KIAA1549: variants seen among roughly 807,000 people sequenced by gnomAD.
KIAA1549 encodes KIAA1549.
A neutral mutation model predicts 156.4 loss-of-function variants in KIAA1549; 70 were observed. The observed-to-expected ratio is 0.45, with a 90% confidence interval of 0.37 to 0.55. The LOEUF (loss-of-function observed/expected upper bound fraction) is 0.55, where lower values mean the gene tolerates loss of function less well. Among genes scored for constraint, KIAA1549 ranks in the 20% least tolerant of loss-of-function variants. KIAA1549 has a pLI of 0.00. For synonymous variants in KIAA1549, 1,103 were observed against 1,066.4 expected, an observed-to-expected ratio of 1.03 and a Z score of -0.67; for missense variants, 2,428 against 2,540.9, an observed-to-expected ratio of 0.96 and a Z score of 0.96.
chr7:138,925,662 C>T (rs1812692338), intron 1 of KIAA1549, among the ~76,000 whole-genome samples: 1 of 151,688 alleles, frequency 6.6e-6, no homozygotes, highest in Admixed American at 6.6e-5. Context: ...GAAACCCCGT[C>T]TCTACAAAAT....
chr7:138,931,923 T>C (rs1812884597), intron 1 of KIAA1549, among the ~76,000 whole-genome samples: 1 of 152,142 alleles, frequency 6.6e-6, no homozygotes, highest in Non-Finnish European at 1.5e-5. Flanking sequence ...TCTAATAGTT[T>C]TAAGGTTTTG....
Position 138,834,108 on chromosome 7 carries a change from A to G in KIAA1549, c.*3798T>C, listed in dbSNP as rs550314728. 9.1e-6 allele frequency: 2 copies of G among 220,686 alleles called. No individual in the cohort carries two copies. The highest frequency in any genetic ancestry group is 3.7e-4 in the South Asian group (2 of 5,414). 13.7% of individuals were successfully genotyped at this position (220,686 alleles called of 1,614,324 possible). A position where few individuals can be genotyped will look rare whatever the true frequency, so the allele number is the denominator to read the frequency against. ...AGTTGACGTCTCCCCAAGATATTGC[A>G]TTTCCAAACATGCAACTTCTTCTGG... On this transcript the variant is annotated 3_prime_UTR_variant, in exon 20 of 20. Coordinates refer to ENST00000422774, the MANE Select transcript of KIAA1549 (RefSeq NM_001164665.2).
chr7:138,958,498 C>T (rs1041164168), intron 1 of KIAA1549, among the ~76,000 whole-genome samples: 23 of 152,340 alleles, frequency 1.5e-4, no homozygotes, highest in African/African-American at 5.5e-4. Flanking sequence ...GTCAGGGCCA[C>T]AGAAGTGGAA....
chr7:138,924,416 A>C (rs1812654592), intron 1 of KIAA1549, among the ~76,000 whole-genome samples: 1 of 152,262 alleles, frequency 6.6e-6, no homozygotes, highest in South Asian at 2.1e-4. Context: ...AAAAATCACA[A>C]CTATATTTGG....
chr7:138,851,891 C>G (rs988641205), intron 17 of KIAA1549, among the ~76,000 whole-genome samples: 4 of 152,204 alleles, frequency 2.6e-5, no homozygotes, highest in African/African-American at 9.7e-5. Flanking sequence ...AAAAGTGGCC[C>G]AAGAAGCAGG....
At chr7:138,944,962 C>T (rs1174758613) in intron 1 of KIAA1549, among the ~76,000 whole-genome samples, 1 of 152,240 alleles carries the variant, frequency 6.6e-6, no homozygotes, top group Non-Finnish European at 1.5e-5. Context: ...GATGTACTTA[C>T]TGTCACTGAA....
intron 1 of KIAA1549, among the ~76,000 whole-genome samples, chr7:138,974,693 G>A (rs965940328): frequency 1.3e-4 from 19 of 151,710 alleles, no homozygotes; most frequent in African/African-American, 4.4e-4. Flanking sequence ...AAAGTGCTGG[G>A]ATTATAAGCG....
Position 138,958,332 on chromosome 7 carries a change from C to T in KIAA1549, c.187+22751G>A, listed in dbSNP as rs116703139. Among the ~76,000 whole-genome samples the T allele has an allele frequency of 3.6e-3, 552 of 152,292 alleles. 4 individuals carry two copies. Among genetic ancestry groups the T allele is most frequent in the African/African-American group, 0.012 (507 of 41,554 alleles). ...TGCTCATTCTCTCCTGACCAAGGGA[C>T]GGGCAACTATCCCAAGCCCCAGGCT... On this transcript the variant is annotated intron_variant, in intron 1 of 19. Coordinates refer to ENST00000422774, the MANE Select transcript of KIAA1549 (RefSeq NM_001164665.2).
At chr7:138,926,449 C>A (rs1480522585) in intron 1 of KIAA1549, among the ~76,000 whole-genome samples, 1 of 151,992 alleles carries the variant, frequency 6.6e-6, no homozygotes, top group Non-Finnish European at 1.5e-5. Context: ...CACACCAAAC[C>A]ACTTTTTGTA....
chr7:138,854,372 T>C (rs763575444), intron 16 of KIAA1549, among the ~76,000 whole-genome samples: 7 of 152,168 alleles, frequency 4.6e-5, no homozygotes, highest in Non-Finnish European at 8.8e-5. Flanking sequence ...GACTAGTCCA[T>C]AGAGAGCTTA....
rs1812346626 is a variant in KIAA1549, at chr7:138,917,055, G to A, written c.2571C>T (p.Phe857=). 1.9e-6 allele frequency: 3 copies of A among 1,607,808 alleles called. No individual in the cohort carries two copies. Among genetic ancestry groups the A allele is most frequent in the Non-Finnish European group, 1.7e-6 (2 of 1,177,290 alleles). The part of the protein sequence containing the change: ...GSSFVSEATP[F]PLPTELTVVG... ...CGACGGTCAGCTCTGTGGGCAGAGG[G>A]AAGGGGGTTGCTTCAGAAACAAACG... is the stretch of plus-strand genomic sequence containing the variant. Residue 857 remains phenylalanine, a synonymous_variant, in exon 2 of 20, where the codon TTC becomes TTT. Transcript: ENST00000422774.
intron 1 of KIAA1549, among the ~76,000 whole-genome samples, chr7:138,948,754 G>A (rs568629007): frequency 7.3e-5 from 11 of 150,716 alleles, no homozygotes; most frequent in East Asian, 3.9e-4. Flanking sequence ...GTGCAATGGC[G>A]TGATCTCGGC....
At chr7:138,891,167 G>T (rs115243069) in intron 10 of KIAA1549, among the ~76,000 whole-genome samples, 1 of 152,244 alleles carries the variant, frequency 6.6e-6, no homozygotes, top group South Asian at 2.1e-4. Flanking sequence ...CAGAGATCGC[G>T]TGCTATTTGT....
At chr7:138,945,691 C>T (rs567705001) in intron 1 of KIAA1549, among the ~76,000 whole-genome samples, 7 of 152,250 alleles carry the variant, frequency 4.6e-5, no homozygotes, top group African/African-American at 7.2e-5. Flanking sequence ...AAAACCAGAA[C>T]GCTAACACTT....
At chr7:138,923,806 T>C (rs558969100) in intron 1 of KIAA1549, among the ~76,000 whole-genome samples, 4 of 152,282 alleles carry the variant, frequency 2.6e-5, no homozygotes, top group Admixed American at 1.3e-4. Flanking sequence ...AAGACAAAAT[T>C]CTGTGAATAG....
At chr7:138,869,816 G>A in intron 13 of KIAA1549, 55 bp from the exon 14 acceptor site, 2 of 1,241,800 alleles carry the variant, frequency 1.6e-6, no homozygotes, top group South Asian at 1.3e-5. Flanking sequence ...GAAGCTTCTG[G>A]GACACACACT....
Position 138,871,182 on chromosome 7 carries a change from G to A in KIAA1549, c.4526C>T (p.Ala1509Val), listed in dbSNP as rs770998536. 31 of 1,612,680 alleles carry A rather than the reference G, an allele frequency of 1.9e-5. No individual in the cohort carries two copies. The Admixed American group carries it at 2.5e-4, about 13-fold the overall frequency. Residue 1509 changes from alanine to valine, a missense_variant, in exon 13 of 20, where the codon GCG (alanine) becomes GTG (valine). Ala to Val is a moderately conservative substitution (Grantham distance 64). Coordinates refer to ENST00000422774, the MANE Select transcript of KIAA1549 (RefSeq NM_001164665.2). Reference protein sequence around the residue: ...VQRPSPADRVAESNKINKEIQ... With the variant: ...VQRPSPADRVVESNKINKEIQ... ...CTCTTTGTTGATTTTATTGCTTTCCGCCACTCGGTCGGCTGGGGAGGGGCG... is the reference window on the plus strand; with the variant it reads ...CTCTTTGTTGATTTTATTGCTTTCCACCACTCGGTCGGCTGGGGAGGGGCG...
intron 1 of KIAA1549, among the ~76,000 whole-genome samples, chr7:138,960,477 T>G (rs1332753202): frequency 2.6e-5 from 4 of 151,760 alleles, no homozygotes; most frequent in Non-Finnish European, 5.9e-5. Flanking sequence ...CCTGGCTAAT[T>G]TTTTGTACTT....
rs1563039449 is a variant in KIAA1549, at chr7:138,832,190, C to CTTTTTTTTTTTTTTTTTTTTTTTTTT, written c.*5715_*5716insAAAAAAAAAAAAAAAAAAAAAAAAAA. 2.9e-4 allele frequency: 50 copies of CTTTTTTTTTTTTTTTTTTTTTTTTTT among 170,002 alleles called. 1 individual carries two copies. Among genetic ancestry groups the CTTTTTTTTTTTTTTTTTTTTTTTTTT allele is most frequent in the Middle Eastern group, 2.0e-3 (1 of 510 alleles). 10.5% of individuals were successfully genotyped at this position (170,002 alleles called of 1,614,324 possible). ...TTCACCTCTGTCCCTTTTACCTATT[C>CTTTTTTTTTTTTTTTTTTTTTTTTTT]CTTTTTTTTTTTTTTTTTTTTCCAG... On this transcript the variant is annotated 3_prime_UTR_variant, in exon 20 of 20. Coordinates refer to ENST00000422774, the MANE Select transcript of KIAA1549 (RefSeq NM_001164665.2).
Sources: allele counts gnomAD v4.1 joint callset (sites outside exome capture counted in the v4.1 genomes callset), GRCh38; gene constraint gnomAD v4.1.1; transcripts MANE v1.5; gene names NCBI Gene and HGNC (gene_info 2026-07-23, HGNC 2026-07-21).